GALC: variants seen among roughly 807,000 people sequenced by gnomAD.
GALC encodes the protein galactosylceramidase.
In GALC, 77 loss-of-function variants were observed where a neutral mutation model predicts 91.8. That is an observed-to-expected ratio of 0.84 (90% CI 0.70 to 1.01). The LOEUF is 1.01. GALC is among the 50% of genes least tolerant of loss of function. The pLI, the probability that GALC is intolerant of heterozygous loss-of-function variation, is 0.00. For missense variants in GALC, 882 were observed against 855.9 expected, an observed-to-expected ratio of 1.03 and a Z score of -0.38; for synonymous variants, 357 against 306.7, an observed-to-expected ratio of 1.16 and a Z score of -1.71.
chr14:87,955,357 T>C (rs1456582980), intron 10 of GALC, among the ~76,000 whole-genome samples: 1 of 152,174 alleles, frequency 6.6e-6, no homozygotes, highest in Non-Finnish European at 1.5e-5. Flanking sequence ...AAGAAAATCC[T>C]GTGAGGTTTA....
intron 1 of GALC, 34 bp downstream of exon 1, chr14:87,992,936 C>T (rs143228205): frequency 1.3e-6 from 2 of 1,496,066 alleles, no homozygotes; most frequent in Middle Eastern, 2.4e-4. Flanking sequence ...GGGCTCTTGC[C>T]GCCCCCCGCG....
intron 6 of GALC, chr14:87,981,092 G>C (rs1382944758): frequency 6.6e-6 from 1 of 152,218 alleles, no homozygotes. Context: ...TAAAGAAACT[G>C]TGGTGTATGT....
intron 11 of GALC, among the ~76,000 whole-genome samples, chr14:87,950,179 ACATT>A (rs1479152915): frequency 6.6e-6 from 1 of 152,106 alleles, no homozygotes; most frequent in Non-Finnish European, 1.5e-5. Context: ...TGCTTCAAAA[ACATT>A]CATTACTGTA....
chr14:87,965,691 A>T, intron 8 of GALC, 62 bp from the exon 9 acceptor site: 2 of 1,557,092 alleles, frequency 1.3e-6, no homozygotes, highest in Admixed American at 3.4e-5. Flanking sequence ...AAATGTCTAA[A>T]AACCTGGAGT....
chr14:87,946,812 G>A (rs1229331105), intron 13 of GALC, among the ~76,000 whole-genome samples: 1 of 151,854 alleles, frequency 6.6e-6, no homozygotes, highest in Non-Finnish European at 1.5e-5. Flanking sequence ...AGCTCCCCCT[G>A]AGGATCACTG....
intron 10 of GALC, among the ~76,000 whole-genome samples, chr14:87,961,925 A>C (rs909409563): frequency 1.3e-5 from 2 of 152,206 alleles, no homozygotes; most frequent in Non-Finnish European, 2.9e-5. Context: ...GCAGATTCGC[A>C]GAAGAAAAAC....
chr14:87,943,137 A>G (rs1884925816), intron 14 of GALC, among the ~76,000 whole-genome samples: 1 of 152,114 alleles, frequency 6.6e-6, no homozygotes, highest in Admixed American at 6.6e-5. Flanking sequence ...GAAATGGAAT[A>G]AAAGTGTGGT....
At chr14:87,970,034 C>G (rs1163283312) in intron 7 of GALC, among the ~76,000 whole-genome samples, 1 of 152,158 alleles carries the variant, frequency 6.6e-6, no homozygotes, top group Non-Finnish European at 1.5e-5. Flanking sequence ...AATCATTGTT[C>G]TGGAACTATA....
At chr14:87,937,562 A>G (rs1253810335) in intron 16 of GALC, among the ~76,000 whole-genome samples, 1 of 151,926 alleles carries the variant, frequency 6.6e-6, no homozygotes, top group Non-Finnish European at 1.5e-5. Context: ...GACAAGAGCC[A>G]ATTTTTAAAA....
At chr14:87,950,069 T>C (rs1172063067) in intron 11 of GALC, 138 bp from the exon 12 acceptor site, 7 of 519,302 alleles carry the variant, frequency 1.3e-5, no homozygotes, top group Non-Finnish European at 2.0e-5. Context: ...AAATATTAAA[T>C]AATAATATTT....
chr14:87,964,593 A>G (rs1885951269), intron 9 of GALC, among the ~76,000 whole-genome samples: 1 of 152,174 alleles, frequency 6.6e-6, no homozygotes, highest in South Asian at 2.1e-4. Context: ...CCATCCCTGC[A>G]TAATCTCAAT....
chr14:87,950,603 C>T, intron 11 of GALC, 56 bp downstream of exon 11: 1 of 1,112,560 alleles, frequency 9.0e-7, no homozygotes, highest in Non-Finnish European at 1.4e-6. Flanking sequence ...TGGCCTGTGA[C>T]AGAATATATA....
intron 10 of GALC, chr14:87,952,499 T>C (rs191527957): frequency 8.8e-5 from 56 of 634,346 alleles, no homozygotes; most frequent in Non-Finnish European, 1.4e-4. Flanking sequence ...CTGCCTAATA[T>C]CCTGTTGAGA....
intron 10 of GALC, chr14:87,952,771 A>C (rs1424257529): frequency 2.0e-6 from 3 of 1,531,442 alleles, no homozygotes; most frequent in Admixed American, 1.7e-5. Context: ...TACTTTGTAC[A>C]TTCTGTTTCT....
At chr14:87,936,575 A>G (rs1272944173) in intron 16 of GALC, among the ~76,000 whole-genome samples, 1 of 151,918 alleles carries the variant, frequency 6.6e-6, no homozygotes, top group African/African-American at 2.4e-5. Context: ...GTCCTAGAAG[A>G]ATATATGCTC....
chr14:87,934,114 A>C lies in GALC; in HGVS notation c.*618T>G. ...TGCTAATATCTATTACTGCAGAAATAGTGTTAGAGGTAGTTTATTAAAGAG... is the reference window on the plus strand; with the variant it reads ...TGCTAATATCTATTACTGCAGAAATCGTGTTAGAGGTAGTTTATTAAAGAG... On this transcript the variant is annotated 3_prime_UTR_variant, in exon 17 of 17. Transcript: ENST00000261304. 1.3e-6 allele frequency: 2 copies of C among 1,490,236 alleles called. No homozygotes were observed. Among genetic ancestry groups the C allele is most frequent in the Non-Finnish European group, 1.8e-6 (2 of 1,118,290 alleles). 92.3% of individuals were successfully genotyped at this position (1,490,236 alleles called of 1,614,324 possible).
chr14:87,987,133 A>G (rs1282394422), intron 3 of GALC: 1 of 435,986 alleles, frequency 2.3e-6, no homozygotes, highest in Non-Finnish European at 4.5e-6. Flanking sequence ...AAAATTCTAT[A>G]CTAACATCTG....
At chr14:87,947,228 T>C (rs1885109301) in intron 13 of GALC, among the ~76,000 whole-genome samples, 1 of 151,896 alleles carries the variant, frequency 6.6e-6, no homozygotes, top group African/African-American at 2.4e-5. Context: ...ACCAAAAACT[T>C]TTCTAACAAC....
intron 10 of GALC, among the ~76,000 whole-genome samples, chr14:87,957,027 A>T (rs552315984): frequency 1.5e-4 from 22 of 151,540 alleles, no homozygotes; most frequent in Non-Finnish European, 2.1e-4. Context: ...GATGTTGAGC[A>T]TTTTTTTTAA....
Sources: allele counts gnomAD v4.1 joint callset (sites outside exome capture counted in the v4.1 genomes callset), GRCh38; gene constraint gnomAD v4.1.1; transcripts MANE v1.5; gene names NCBI Gene and HGNC (gene_info 2026-07-23, HGNC 2026-07-21).